SLC25A26: variants seen among roughly 807,000 people sequenced by gnomAD.
SLC25A26 encodes mitochondrial S-adenosylmethionine carrier protein.
Under a neutral mutation model 37.8 loss-of-function variants are expected in SLC25A26, and 36 were observed. That is an observed-to-expected ratio of 0.95 (90% confidence interval 0.73 to 1.26). The LOEUF (loss-of-function observed/expected upper bound fraction) is 1.26. Among genes scored for constraint, SLC25A26 ranks in the 50% most tolerant of loss-of-function variants. SLC25A26 has a pLI of 0.00. For missense variants in SLC25A26, 390 were observed against 331.1 expected (o/e 1.18, Z -1.38); for synonymous variants, 129 against 122.5 (o/e 1.05, Z -0.35).
At chr3:66,369,049 ACAAAAAAAAAAAACAAAAG>A (rs1559746453) in intron 7 of SLC25A26, among the ~76,000 whole-genome samples, 8 of 23,518 alleles carry the variant, frequency 3.4e-4, no homozygotes, top group African/African-American at 1.5e-3. Flanking sequence ...AAAAACAAAA[ACAAAAAAAAAAAACAAAAG>A]ACAGTGGCCT....
At chr3:66,344,925 T>A (rs1393820944) in intron 5 of SLC25A26, among the ~76,000 whole-genome samples, 3 of 152,198 alleles carry the variant, frequency 2.0e-5, no homozygotes, top group Non-Finnish European at 1.5e-5. Context: ...CCTTTAGGCG[T>A]TACACAGCGT....
chr3:66,340,706 G>A (rs189770323), intron 5 of SLC25A26, among the ~76,000 whole-genome samples: 5 of 151,958 alleles, frequency 3.3e-5, no homozygotes, highest in Middle Eastern at 3.4e-3. Context: ...TTATCCTTAC[G>A]CCTTGTTACT....
intron 6 of SLC25A26, among the ~76,000 whole-genome samples, chr3:66,352,428 G>GTTTTTTTTTTT (rs1242977476): frequency 6.3e-5 from 8 of 126,680 alleles, no homozygotes; most frequent in Admixed American, 2.4e-4. Flanking sequence ...CTCGTTTTTT[G>GTTTTTTTTTTT]TTTTTTGTTT....
intron 1 of SLC25A26, among the ~76,000 whole-genome samples, chr3:66,205,225 A>G (rs1366710315): frequency 1.3e-5 from 2 of 152,222 alleles, no homozygotes; most frequent in African/African-American, 4.8e-5. Context: ...TCTTCTTCCA[A>G]TTAGAAAGAA....
At chr3:66,369,791 A>C (rs1287798215) in intron 8 of SLC25A26, among the ~76,000 whole-genome samples, 2 of 152,192 alleles carry the variant, frequency 1.3e-5, no homozygotes, top group Non-Finnish European at 2.9e-5. Flanking sequence ...ACCATCTTCA[A>C]ATAAACTCTG....
chr3:66,363,590 A>G (rs1414699237), intron 7 of SLC25A26, among the ~76,000 whole-genome samples: 1 of 152,248 alleles, frequency 6.6e-6, no homozygotes, highest in Non-Finnish European at 1.5e-5. Context: ...ATATGTTTAA[A>G]AGCCTAAGAG....
chr3:66,227,651 G>A (rs1020572558), intron 1 of SLC25A26, among the ~76,000 whole-genome samples: 1 of 152,176 alleles, frequency 6.6e-6, no homozygotes, highest in Non-Finnish European at 1.5e-5. Context: ...ACCATGCAAA[G>A]TGAGGACCGC....
intron 5 of SLC25A26, among the ~76,000 whole-genome samples, chr3:66,343,980 G>C (rs180918051): frequency 6.6e-6 from 1 of 152,080 alleles, no homozygotes; most frequent in African/African-American, 2.4e-5. Context: ...CATTCGGGGG[G>C]GCTGGCTGCC....
chr3:66,246,938 T>C (rs2072872109), intron 3 of SLC25A26, among the ~76,000 whole-genome samples: 1 of 152,180 alleles, frequency 6.6e-6, no homozygotes, highest in South Asian at 2.1e-4. Context: ...CTCGGCTCAC[T>C]GCAACCTCTG....
At chr3:66,175,132 TATATATATACACACACAC>T (rs1411582423) in intron 1 of SLC25A26, among the ~76,000 whole-genome samples, 4 of 123,312 alleles carry the variant, frequency 3.2e-5, no homozygotes, top group Admixed American at 8.0e-5. Flanking sequence ...TATATATATA[TATATATATACACACACAC>T]ACACACACAC....
Position 66,266,391 on chromosome 3 carries a change from A to G in SLC25A26, c.453+3012A>G, listed in dbSNP as rs116619384. ...TGCCAAGAGCGTGTCTGTTGTTTCA[A>G]TAAGAAAATACATCAAAATCTTAGT... On this transcript the variant is annotated intron_variant, in intron 5 of 9. Coordinates refer to ENST00000354883, the MANE Select transcript of SLC25A26 (RefSeq NM_001379210.1). Among the ~76,000 whole-genome samples, 1,071 of 152,308 alleles carry G rather than the reference A, an allele frequency of 7.0e-3. 8 individuals are homozygous for G. The highest frequency in any genetic ancestry group is 9.3e-3 in the Non-Finnish European group (636 of 68,032).
At chr3:66,233,521 G>C (rs782708154) in intron 1 of SLC25A26, among the ~76,000 whole-genome samples, 2 of 152,148 alleles carry the variant, frequency 1.3e-5, no homozygotes, top group Non-Finnish European at 2.9e-5. Flanking sequence ...AAGAATAAAA[G>C]AGTTTGATGG....
chr3:66,296,702 A>G (rs2074913603), intron 5 of SLC25A26, among the ~76,000 whole-genome samples: 1 of 152,248 alleles, frequency 6.6e-6, no homozygotes, highest in Admixed American at 6.5e-5. Context: ...CTAGAATGAA[A>G]ATAAAACTTT....
intron 1 of SLC25A26, among the ~76,000 whole-genome samples, chr3:66,188,787 A>G (rs2070879948): frequency 6.6e-6 from 1 of 150,862 alleles, no homozygotes. Context: ...ACACCCTGGC[A>G]CTGTATCTGA....
At chr3:66,137,936 C>T (rs543906750) in intron 1 of SLC25A26, among the ~76,000 whole-genome samples, 4 of 152,068 alleles carry the variant, frequency 2.6e-5, no homozygotes, top group East Asian at 1.9e-4. Flanking sequence ...CAGGTTCAAG[C>T]GATTCTCCCA....
intron 1 of SLC25A26, among the ~76,000 whole-genome samples, chr3:66,200,719 A>G (rs1056114203): frequency 0.014 from 2,147 of 152,348 alleles, 59 homozygotes; most frequent in African/African-American, 0.049. Flanking sequence ...ATTTTTAGCA[A>G]TTGGAAAATT....
At chr3:66,255,679 A>G (rs2073272233) in intron 3 of SLC25A26, among the ~76,000 whole-genome samples, 1 of 152,190 alleles carries the variant, frequency 6.6e-6, no homozygotes, top group Non-Finnish European at 1.5e-5. Flanking sequence ...CCCACAGATG[A>G]CATTCTGTTT....
chr3:66,148,553 CTG>C (rs2106684986), intron 1 of SLC25A26, among the ~76,000 whole-genome samples: 1 of 152,318 alleles, frequency 6.6e-6, no homozygotes, highest in South Asian at 2.1e-4. Flanking sequence ...CCTTGACTCA[CTG>C]GGCATGGTGA....
intron 5 of SLC25A26, among the ~76,000 whole-genome samples, chr3:66,292,475 T>A (rs2074746426): frequency 6.6e-6 from 1 of 152,180 alleles, no homozygotes; most frequent in African/African-American, 2.4e-5. Context: ...CTTCAGGAGC[T>A]CCCATAAGCC....
Sources: gnomAD v4.1 joint callset for allele counts (sites outside exome capture counted in the v4.1 genomes callset) on GRCh38, gnomAD v4.1.1 for gene constraint, MANE v1.5 for transcripts, NCBI Gene and HGNC (gene_info 2026-07-23, HGNC 2026-07-21) for gene names.